The following CDKAL1 variants were observed in gnomAD, a reference collection of about 807,000 sequenced individuals.
CDKAL1 encodes the protein threonylcarbamoyladenosine tRNA methylthiotransferase.
CDKAL1 carries 32 observed loss-of-function variants against 68.2 expected under a neutral mutation model. That is an observed-to-expected ratio of 0.47 (90% CI 0.35 to 0.63). The LOEUF (loss-of-function observed/expected upper bound fraction) is 0.63, where lower values mean the gene tolerates loss of function less well. Among genes scored for constraint, CDKAL1 ranks in the 30% least tolerant of loss-of-function variants. CDKAL1 has a pLI of 0.00. For missense variants in CDKAL1, 606 were observed against 696.7 expected (o/e 0.87, Z 1.47); for synonymous variants, 234 against 244.3 (o/e 0.96, Z 0.39).
intron 5 of CDKAL1, among the ~76,000 whole-genome samples, chr6:20,718,142 C>A (rs746932777): frequency 1.3e-5 from 2 of 152,096 alleles, no homozygotes; most frequent in Non-Finnish European, 2.9e-5. Flanking sequence ...CTCCAAGTGC[C>A]CCTCTTAGCT....
chr6:20,576,445 T>C (rs1196306054), intron 4 of CDKAL1, among the ~76,000 whole-genome samples: 1 of 152,232 alleles, frequency 6.6e-6, no homozygotes, highest in Non-Finnish European at 1.5e-5. Flanking sequence ...GTTTCATCAT[T>C]ACTGAAAATT....
chr6:21,033,242 T>G (rs761278923), intron 11 of CDKAL1, among the ~76,000 whole-genome samples: 4 of 152,064 alleles, frequency 2.6e-5, no homozygotes, highest in Non-Finnish European at 5.9e-5. Flanking sequence ...CCCAATAGGA[T>G]AAGGTGATGA....
chr6:21,178,521 G>A (rs912939733), intron 13 of CDKAL1, among the ~76,000 whole-genome samples: 1 of 152,168 alleles, frequency 6.6e-6, no homozygotes, highest in Non-Finnish European at 1.5e-5. Flanking sequence ...TATTTTTAGT[G>A]TTAATTTTAT....
chr6:20,745,236 T>A (rs1205734784), intron 6 of CDKAL1, among the ~76,000 whole-genome samples: 1 of 152,238 alleles, frequency 6.6e-6, no homozygotes, highest in Non-Finnish European at 1.5e-5. Flanking sequence ...TGCGAGCACT[T>A]TAATTTTGAA....
At chr6:20,786,037 A>C (rs1294706172) in intron 8 of CDKAL1, among the ~76,000 whole-genome samples, 1 of 152,180 alleles carries the variant, frequency 6.6e-6, no homozygotes, top group African/African-American at 2.4e-5. Context: ...CCTGGCCAAC[A>C]TGCTGAAACC....
intron 9 of CDKAL1, among the ~76,000 whole-genome samples, chr6:20,848,739 G>T (rs1758835718): frequency 6.6e-6 from 1 of 151,198 alleles, no homozygotes; most frequent in Non-Finnish European, 1.5e-5. Flanking sequence ...GAGCTAATTT[G>T]TGAGATAATC....
intron 4 of CDKAL1, among the ~76,000 whole-genome samples, chr6:20,638,104 T>C (rs1283471683): frequency 1.3e-5 from 2 of 152,198 alleles, no homozygotes; most frequent in Non-Finnish European, 2.9e-5. Context: ...GCCATTTCAG[T>C]AGATACTGTC....
At chr6:21,098,111 A>T (rs1459173253) in intron 12 of CDKAL1, among the ~76,000 whole-genome samples, 1 of 152,366 alleles carries the variant, frequency 6.6e-6, no homozygotes, top group Non-Finnish European at 1.5e-5. Flanking sequence ...ATGGGCACAC[A>T]GTAAATGTGT....
chr6:20,672,559 C>T (rs1039407129), intron 5 of CDKAL1, among the ~76,000 whole-genome samples: 1 of 151,956 alleles, frequency 6.6e-6, no homozygotes, highest in Non-Finnish European at 1.5e-5. Context: ...ACCATATTGG[C>T]CAGGTGGCTG....
intron 9 of CDKAL1, among the ~76,000 whole-genome samples, chr6:20,952,821 T>C (rs530146610): frequency 6.6e-6 from 1 of 152,228 alleles, no homozygotes; most frequent in Non-Finnish European, 1.5e-5. Context: ...CAGGAGACTT[T>C]CCAGGGAAAA....
chr6:21,052,007 A>G (rs1055675456), intron 11 of CDKAL1, among the ~76,000 whole-genome samples: 2 of 152,234 alleles, frequency 1.3e-5, no homozygotes, highest in Non-Finnish European at 2.9e-5. Context: ...CCCAGGTCAC[A>G]CTAGACTTTC....
intron 13 of CDKAL1, among the ~76,000 whole-genome samples, chr6:21,112,978 C>A (rs1181904267): frequency 6.6e-6 from 1 of 152,088 alleles, no homozygotes; most frequent in Non-Finnish European, 1.5e-5. Context: ...ACAGTCAACA[C>A]TAATAGCAGG....
intron 9 of CDKAL1, among the ~76,000 whole-genome samples, chr6:20,893,007 C>T (rs575712470): frequency 6.6e-6 from 1 of 152,268 alleles, no homozygotes; most frequent in East Asian, 1.9e-4. Context: ...GGTGCAGAGA[C>T]ATTGGCTTCT....
intron 11 of CDKAL1, among the ~76,000 whole-genome samples, chr6:21,012,546 A>C (rs922107532): frequency 6.6e-6 from 1 of 152,222 alleles, no homozygotes; most frequent in African/African-American, 2.4e-5. Context: ...AATAGAATGG[A>C]AATAAGAGAA....
At chr6:20,821,218 C>G (rs558610653) in intron 8 of CDKAL1, among the ~76,000 whole-genome samples, 2 of 152,070 alleles carry the variant, frequency 1.3e-5, no homozygotes, top group Non-Finnish European at 2.9e-5. Context: ...ATTGGCATGA[C>G]CTGATGGAGT....
intron 5 of CDKAL1, among the ~76,000 whole-genome samples, chr6:20,663,618 G>A (rs773882872): frequency 6.6e-6 from 1 of 152,014 alleles, no homozygotes; most frequent in Admixed American, 6.6e-5. Flanking sequence ...TAAAAAATGG[G>A]ACTTACATAT....
Position 21,221,508 on chromosome 6 carries a change from G to A in CDKAL1, c.1549-9340G>A, listed in dbSNP as rs1356226186. Among the ~76,000 whole-genome samples, 18 of 152,242 alleles carry A rather than the reference G, an allele frequency of 1.2e-4. No individual in the cohort carries two copies. In the East Asian group the frequency reaches 3.3e-3, roughly 28 times the overall value. On this transcript the variant is annotated intron_variant, in intron 15 of 15. Coordinates refer to ENST00000274695, the MANE Select transcript of CDKAL1 (RefSeq NM_017774.3). ...CTCCCAAAATGCTGGGATTACAGGT[G>A]TGAGCCACCATGCCCAGCCAATTTC... is the stretch of plus-strand genomic sequence containing the variant.
intron 10 of CDKAL1, among the ~76,000 whole-genome samples, chr6:20,997,537 G>A (rs1383937420): frequency 6.6e-6 from 1 of 150,606 alleles, no homozygotes. Context: ...AACCACGGGG[G>A]TGGCGGGGGG....
chr6:20,883,697 A>G (rs187453976), intron 9 of CDKAL1, among the ~76,000 whole-genome samples: 1 of 152,360 alleles, frequency 6.6e-6, no homozygotes, highest in Admixed American at 6.5e-5. Context: ...TGTATGGTAA[A>G]GCAAATAAAG....
Sources: gnomAD v4.1 joint callset for allele counts (sites outside exome capture counted in the v4.1 genomes callset) on GRCh38, gnomAD v4.1.1 for gene constraint, MANE v1.5 for transcripts, NCBI Gene and HGNC (gene_info 2026-07-23, HGNC 2026-07-21) for gene names.